ERBB4: variants seen among roughly 807,000 people sequenced by gnomAD.
The protein encoded by ERBB4 is erb-b2 receptor tyrosine kinase 4.
A neutral mutation model predicts 158.0 loss-of-function variants in ERBB4; 42 were observed. The observed-to-expected ratio is 0.27, with a 90% CI of 0.21 to 0.34. The LOEUF is 0.34. Ranked by LOEUF, ERBB4 falls within the 10% of genes least tolerant of loss-of-function variation. The pLI, the probability that ERBB4 is intolerant of heterozygous loss-of-function variation, is 1.00. For synonymous variants in ERBB4, 583 were observed against 558.7 expected, an observed-to-expected ratio of 1.04 and a Z score of -0.61; for missense variants, 1,333 against 1,624.1, an observed-to-expected ratio of 0.82 and a Z score of 3.08.
chr2:211,681,931 C>G (rs1225622345), intron 12 of ERBB4, among the ~76,000 whole-genome samples: 1 of 151,770 alleles, frequency 6.6e-6, no homozygotes, highest in African/African-American at 2.4e-5. Flanking sequence ...CTGGTATTTT[C>G]TAAGTTTTAT....
chr2:211,967,468 A>G (rs200815214), intron 2 of ERBB4, among the ~76,000 whole-genome samples: 1 of 152,210 alleles, frequency 6.6e-6, no homozygotes, highest in East Asian at 1.9e-4. Flanking sequence ...TTCATTTCCA[A>G]TCTTTTAATT....
At chr2:212,420,793 A>G (rs2091774432) in intron 1 of ERBB4, among the ~76,000 whole-genome samples, 1 of 152,142 alleles carries the variant, frequency 6.6e-6, no homozygotes, top group Admixed American at 6.6e-5. Flanking sequence ...TTTCTTGCTC[A>G]ATGGCTGTCT....
chr2:212,170,806 T>C (rs1344831932), intron 1 of ERBB4, among the ~76,000 whole-genome samples: 2 of 152,154 alleles, frequency 1.3e-5, no homozygotes, highest in Admixed American at 1.3e-4. Context: ...TTTCAGAGGA[T>C]GTATGGAAAC....
intron 20 of ERBB4, among the ~76,000 whole-genome samples, chr2:211,449,959 T>C (rs1403668398): frequency 6.6e-6 from 1 of 152,220 alleles, no homozygotes; most frequent in African/African-American, 2.4e-5. Context: ...GCTTGCTAAA[T>C]GATAAACACT....
chr2:212,241,839 T>C (rs2084117918), intron 1 of ERBB4, among the ~76,000 whole-genome samples: 1 of 150,870 alleles, frequency 6.6e-6, no homozygotes, highest in South Asian at 2.1e-4. Flanking sequence ...TTAATGTGTA[T>C]ATGTATTTTC....
intron 20 of ERBB4, among the ~76,000 whole-genome samples, chr2:211,524,226 C>G (rs1297730531): frequency 1.3e-5 from 2 of 152,136 alleles, no homozygotes; most frequent in Non-Finnish European, 2.9e-5. Flanking sequence ...GAGCTAAATA[C>G]AGGGTGCTGA....
At chr2:211,576,199 C>T in intron 19 of ERBB4, among the ~76,000 whole-genome samples, 1 of 152,116 alleles carries the variant, frequency 6.6e-6, no homozygotes, top group East Asian at 1.9e-4. Flanking sequence ...TCACAAAAGA[C>T]TCTTACTGCT....
intron 1 of ERBB4, among the ~76,000 whole-genome samples, chr2:212,453,265 C>A (rs1035753124): frequency 6.6e-6 from 1 of 152,134 alleles, no homozygotes; most frequent in Non-Finnish European, 1.5e-5. Flanking sequence ...TGCAAGTCTA[C>A]TTTGTAAAGA....
rs1350140137 is a variant in ERBB4 at position 211,380,118 on chromosome 2, GT to G, written c.*3496del. 4.3e-6 allele frequency: 1 copy of G among 231,874 alleles called. No individual in the cohort carries two copies. The highest frequency in any genetic ancestry group is 8.5e-6 in the Non-Finnish European group (1 of 117,332). The allele number at this position is 231,874 out of a possible 1,614,324, so 14.4% of individuals were successfully genotyped here. A position where few individuals can be genotyped will look rare whatever the true frequency, so the allele number is the denominator to read the frequency against. ...AGAATCACTTGATTTTAGTTTGTGTGTTTTAATAGAAATTTGAGTTTTGCGT... is the reference window on the plus strand; with the variant it reads ...AGAATCACTTGATTTTAGTTTGTGTGTTTAATAGAAATTTGAGTTTTGCGT... On this transcript the variant is annotated 3_prime_UTR_variant, in exon 28 of 28. Coordinates refer to ENST00000342788, the MANE Select transcript of ERBB4 (RefSeq NM_005235.3).
At chr2:212,121,113 T>C (rs2079734165) in intron 2 of ERBB4, among the ~76,000 whole-genome samples, 1 of 152,244 alleles carries the variant, frequency 6.6e-6, no homozygotes, top group African/African-American at 2.4e-5. Context: ...ACAGTAGTAT[T>C]ATGAAGATTT....
chr2:211,702,251 G>A, intron 11 of ERBB4, 85 bp from the exon 12 acceptor site: 3 of 991,052 alleles, frequency 3.0e-6, no homozygotes, highest in Admixed American at 1.8e-5. Flanking sequence ...TAAAAAGAAT[G>A]TTAATGGTGT....
intron 1 of ERBB4, among the ~76,000 whole-genome samples, chr2:212,293,984 C>A (rs1295330665): frequency 6.6e-6 from 1 of 151,630 alleles, no homozygotes; most frequent in African/African-American, 2.4e-5. Flanking sequence ...ATACCAGTTC[C>A]CTTAGAAAAT....
intron 20 of ERBB4, among the ~76,000 whole-genome samples, chr2:211,535,318 T>C (rs2066615513): frequency 6.6e-6 from 1 of 152,054 alleles, no homozygotes; most frequent in Non-Finnish European, 1.5e-5. Context: ...CTCCTACCTG[T>C]CTCTTATTCT....
chr2:212,069,018 CTCTT>C (rs1428375567), intron 2 of ERBB4, among the ~76,000 whole-genome samples: 1 of 152,092 alleles, frequency 6.6e-6, no homozygotes, highest in Non-Finnish European at 1.5e-5. Flanking sequence ...CATCACTTTG[CTCTT>C]TCTTCATCTT....
At chr2:211,593,734 T>C (rs564959127) in intron 19 of ERBB4, among the ~76,000 whole-genome samples, 282 of 152,326 alleles carry the variant, frequency 1.9e-3, no homozygotes, top group African/African-American at 6.2e-3. Flanking sequence ...TGATACACTA[T>C]GTGCAAAACA....
chr2:211,635,179 A>AC (rs2125883304), intron 16 of ERBB4, among the ~76,000 whole-genome samples: 1 of 152,300 alleles, frequency 6.6e-6, no homozygotes, highest in Admixed American at 6.5e-5. Flanking sequence ...GATCAAGTCC[A>AC]AGCTTAGACT....
At chr2:212,501,444 A>C (rs1690881617) in intron 1 of ERBB4, among the ~76,000 whole-genome samples, 1 of 152,204 alleles carries the variant, frequency 6.6e-6, no homozygotes, top group Non-Finnish European at 1.5e-5. Context: ...AAGACACTGG[A>C]TAAGTCAAAC....
At chr2:212,343,070 T>G (rs1027754) in intron 1 of ERBB4, among the ~76,000 whole-genome samples, 103,759 of 152,000 alleles carry the variant, frequency 0.68, 35,580 homozygotes, top group East Asian at 0.8. Flanking sequence ...AATTATGGTC[T>G]GAATAATTTG....
At chr2:212,331,563 C>G (rs184265939) in intron 1 of ERBB4, among the ~76,000 whole-genome samples, 3 of 152,020 alleles carry the variant, frequency 2.0e-5, no homozygotes, top group Admixed American at 2.0e-4. Flanking sequence ...AATAACAGAT[C>G]CCAATCTAAA....
Sources: gnomAD v4.1 joint callset for allele counts (sites outside exome capture counted in the v4.1 genomes callset) on GRCh38, gnomAD v4.1.1 for gene constraint, MANE v1.5 for transcripts, NCBI Gene and HGNC (gene_info 2026-07-23, HGNC 2026-07-21) for gene names.